KDM4C: variants seen among roughly 807,000 people sequenced by gnomAD.
The protein encoded by KDM4C is lysine demethylase 4C, also known as lysine-specific demethylase 4C.
In KDM4C, 81 loss-of-function variants were observed where a neutral mutation model predicts 129.3. The ratio of observed to expected loss-of-function variants is 0.63; its 90% CI spans 0.52 to 0.75. The LOEUF is 0.75. Ranked by LOEUF, KDM4C falls within the 30% of genes least tolerant of loss-of-function variation. KDM4C has a pLI of 0.00. For synonymous variants in KDM4C, 573 were observed against 456.1 expected (o/e 1.26, Z -3.26); for missense variants, 1,457 against 1,304.0 (o/e 1.12, Z -1.81).
intron 21 of KDM4C, among the ~76,000 whole-genome samples, chr9:7,171,204 G>A (rs1844926147): frequency 6.6e-6 from 1 of 152,034 alleles, no homozygotes; most frequent in East Asian, 1.9e-4. Context: ...TGGTATTGCT[G>A]CCCACTCGAT....
chr9:7,026,894 A>C (rs1317748849), intron 15 of KDM4C, among the ~76,000 whole-genome samples: 1 of 151,928 alleles, frequency 6.6e-6, no homozygotes, highest in Non-Finnish European at 1.5e-5. Flanking sequence ...TGCATTCTTC[A>C]ATGTCAGTAG....
chr9:7,154,229 T>C (rs1842955379), intron 19 of KDM4C, among the ~76,000 whole-genome samples: 2 of 152,240 alleles, frequency 1.3e-5, no homozygotes, highest in African/African-American at 4.8e-5. Context: ...CTGTCAGTCT[T>C]GTTAATCCCT....
At chr9:6,914,967 T>C (rs117285540) in intron 8 of KDM4C, among the ~76,000 whole-genome samples, 1 of 152,370 alleles carries the variant, frequency 6.6e-6, no homozygotes, top group East Asian at 1.9e-4. Flanking sequence ...CAGAGTCTTT[T>C]TGATTTTGCT....
At chr9:6,864,406 T>G (rs1841541455) in intron 5 of KDM4C, among the ~76,000 whole-genome samples, 1 of 152,260 alleles carries the variant, frequency 6.6e-6, no homozygotes, top group South Asian at 2.1e-4. Flanking sequence ...TGTCATTGCT[T>G]CTTTTCTCTT....
chr9:6,834,374 G>T, intron 4 of KDM4C: 1 of 324,330 alleles, frequency 3.1e-6, no homozygotes, highest in South Asian at 2.8e-5. Context: ...TCATCTTGTT[G>T]GCCAAGACCA....
chr9:7,041,381 G>A (rs992580341), intron 15 of KDM4C, among the ~76,000 whole-genome samples: 4 of 151,942 alleles, frequency 2.6e-5, no homozygotes, highest in African/African-American at 4.8e-5. Context: ...TGGTATCTGT[G>A]AGGGGTCTTG....
At chr9:6,870,702 A>G (rs558897093) in intron 5 of KDM4C, among the ~76,000 whole-genome samples, 2 of 152,120 alleles carry the variant, frequency 1.3e-5, no homozygotes, top group South Asian at 4.2e-4. Flanking sequence ...TGGGGTTGTT[A>G]TCTGTTAAAA....
At chr9:6,803,355 G>C (rs368069782) in intron 2 of KDM4C, among the ~76,000 whole-genome samples, 4 of 152,028 alleles carry the variant, frequency 2.6e-5, no homozygotes, top group Admixed American at 6.6e-5. Flanking sequence ...GTCGGATCAC[G>C]CTGTCAAGAG....
At chr9:6,800,931 A>T (rs949902351) in intron 2 of KDM4C, among the ~76,000 whole-genome samples, 1 of 152,084 alleles carries the variant, frequency 6.6e-6, no homozygotes, top group Non-Finnish European at 1.5e-5. Flanking sequence ...CCTGGACAGT[A>T]TTCTCATTTT....
intron 17 of KDM4C, among the ~76,000 whole-genome samples, chr9:7,079,787 T>G (rs754848440): frequency 1.3e-5 from 2 of 152,232 alleles, no homozygotes; most frequent in Non-Finnish European, 2.9e-5. Flanking sequence ...ATGAAGACTT[T>G]CCTAGAAGTA....
At chr9:7,052,899 G>GAGAGAC (rs1564049753) in intron 17 of KDM4C, among the ~76,000 whole-genome samples, 2 of 10,006 alleles carry the variant, frequency 2.0e-4, no homozygotes, top group African/African-American at 9.2e-4. Flanking sequence ...GAGAGAGAGA[G>GAGAGAC]AGCGAGCGAG....
intron 2 of KDM4C, among the ~76,000 whole-genome samples, chr9:6,793,360 C>T (rs1053634345): frequency 2.0e-5 from 3 of 151,044 alleles, no homozygotes; most frequent in Non-Finnish European, 4.4e-5. Flanking sequence ...AAAAAAAAAT[C>T]AAAACCAACC....
chr9:7,067,948 A>G (rs1314313959), intron 17 of KDM4C, among the ~76,000 whole-genome samples: 1 of 151,808 alleles, frequency 6.6e-6, no homozygotes, highest in Non-Finnish European at 1.5e-5. Context: ...GGCGGCCACC[A>G]CCACGCATGG....
intron 19 of KDM4C, among the ~76,000 whole-genome samples, chr9:7,131,652 C>T (rs1840655212): frequency 6.6e-6 from 1 of 152,250 alleles, no homozygotes; most frequent in South Asian, 2.1e-4. Flanking sequence ...GATTTAATTG[C>T]TAAGATCATC....
Position 7,020,742 on chromosome 9 carries a change from C to T in KDM4C, c.2259+4813C>T, listed in dbSNP as rs541024001. On this transcript the variant is annotated intron_variant, in intron 15 of 21. Coordinates refer to ENST00000381309, the MANE Select transcript of KDM4C (RefSeq NM_015061.6). ...CATGAGATACTTTGATACAGACATG[C>T]AGTACATAATAACCACATCAGGTTA... Among the ~76,000 whole-genome samples, 3 of 152,254 alleles carry T rather than the reference C, an allele frequency of 2.0e-5. No individual in the cohort carries two copies. In the South Asian group the frequency reaches 6.2e-4, roughly 32 times the overall value.
At chr9:6,830,424 C>G (rs1834622565) in intron 4 of KDM4C, among the ~76,000 whole-genome samples, 1 of 152,160 alleles carries the variant, frequency 6.6e-6, no homozygotes, top group Admixed American at 6.5e-5. Flanking sequence ...AAGTCACCAG[C>G]TGTCAGTGGG....
At chr9:6,799,835 C>T (rs1407461606) in intron 2 of KDM4C, among the ~76,000 whole-genome samples, 1 of 151,890 alleles carries the variant, frequency 6.6e-6, no homozygotes, top group Non-Finnish European at 1.5e-5. Context: ...CCTCCCCTTT[C>T]AATATGTCAT....
At chr9:7,034,603 T>A (rs186124699) in intron 15 of KDM4C, among the ~76,000 whole-genome samples, 25 of 152,382 alleles carry the variant, frequency 1.6e-4, no homozygotes, top group African/African-American at 5.0e-4. Flanking sequence ...ATTCCATATC[T>A]TAGCTATTTT....
intron 3 of KDM4C, among the ~76,000 whole-genome samples, chr9:6,808,214 C>T (rs1241428811): frequency 4.2e-5 from 3 of 71,872 alleles, no homozygotes; most frequent in African/African-American, 2.7e-4. Context: ...TCATTGAGAA[C>T]GGGCCAGGAT....
Sources: allele counts gnomAD v4.1 joint callset (sites outside exome capture counted in the v4.1 genomes callset), GRCh38; gene constraint gnomAD v4.1.1; transcripts MANE v1.5; gene names NCBI Gene and HGNC (gene_info 2026-07-23, HGNC 2026-07-21).